Variants in ARAP2 observed in about 807,000 individuals in gnomAD.
The protein encoded by ARAP2 is ArfGAP with RhoGAP domain, ankyrin repeat and PH domain 2.
A neutral mutation model predicts 194.5 loss-of-function variants in ARAP2; 148 were observed. The ratio of observed to expected loss-of-function variants is 0.76; its 90% CI spans 0.67 to 0.87. The LOEUF (loss-of-function observed/expected upper bound fraction) is 0.87, where lower values mean the gene tolerates loss of function less well. Among genes scored for constraint, ARAP2 ranks in the 40% least tolerant of loss-of-function variants. ARAP2 has a pLI of 0.00. For synonymous variants in ARAP2, 695 were observed against 683.5 expected, an observed-to-expected ratio of 1.02 and a Z score of -0.26; for missense variants, 2,128 against 1,989.7, an observed-to-expected ratio of 1.07 and a Z score of -1.32.
At chr4:36,102,292 A>C (rs1455719061) in intron 27 of ARAP2, among the ~76,000 whole-genome samples, 3 of 151,960 alleles carry the variant, frequency 2.0e-5, no homozygotes, top group African/African-American at 7.2e-5. Context: ...CTATCTTAAT[A>C]TCCCAGGAGT....
intron 15 of ARAP2, among the ~76,000 whole-genome samples, chr4:36,155,808 G>A (rs1382282559): frequency 6.6e-6 from 1 of 151,940 alleles, no homozygotes; most frequent in Non-Finnish European, 1.5e-5. Flanking sequence ...AAAAAATAAG[G>A]TTATATTCTG....
At chr4:36,209,876 G>C (rs542626887) in intron 6 of ARAP2, among the ~76,000 whole-genome samples, 1 of 152,050 alleles carries the variant, frequency 6.6e-6, no homozygotes, top group Non-Finnish European at 1.5e-5. Flanking sequence ...TAATATTCAC[G>C]GGACTCTGAC....
At position 36,147,300 on chromosome 4, in the gene ARAP2, C is replaced by T. The variant is rs776874761; in HGVS notation, c.3259G>A (p.Gly1087Arg). The T allele has an allele frequency of 9.9e-6, 16 of 1,612,656 alleles. No homozygotes were observed. In the Admixed American group the frequency reaches 2.5e-4, roughly 25 times the overall value. ...KLDVLLLVEK[G>R]RTLYIHGHTK... ...AAAAAGCAAAAAGGCACTTACCTCCCTTTTTCTACCAAGAGTAAAACATCC... is the reference window on the plus strand; with the variant it reads ...AAAAAGCAAAAAGGCACTTACCTCCTTTTTTCTACCAAGAGTAAAACATCC... The change falls in exon 19 of 33, where the codon GGG becomes AGG. Residue 1087 changes from glycine (G) to arginine (R), a missense_variant. Gly to Arg is a moderately radical substitution (Grantham distance 125). Transcript: ENST00000303965.
intron 24 of ARAP2, among the ~76,000 whole-genome samples, chr4:36,118,612 T>A (rs896845869): frequency 4.0e-5 from 6 of 151,490 alleles, no homozygotes; most frequent in African/African-American, 9.7e-5. Flanking sequence ...CAAACTTTTT[T>A]AATAACAATG....
Position 36,237,370 on chromosome 4 carries a change from G to T in ARAP2, c.-160+6809C>A, listed in dbSNP as rs906707002. On this transcript the variant is annotated intron_variant, in intron 1 of 32. Transcript: ENST00000303965. The stretch of plus-strand genomic sequence containing the variant: ...CTAGAAGTCCACCTGATATGGTTTG[G>T]ATGTTTTGTCCCCTCCAAATTTCAT... 5.9e-5 allele frequency among the ~76,000 whole-genome samples: 9 copies of T among 152,296 alleles called. 1 individual carries two copies. Among genetic ancestry groups the T allele is most frequent in the African/African-American group, 1.2e-4 (5 of 41,542 alleles).
intron 19 of ARAP2, among the ~76,000 whole-genome samples, chr4:36,139,091 C>CACAAAAAT (rs1727579359): frequency 7.5e-6 from 1 of 133,346 alleles, no homozygotes; most frequent in East Asian, 2.0e-4. Flanking sequence ...TGAATAGTAC[C>CACAAAAAT]AGTGTATGAT....
In ARAP2 at chr4:36,043,783, A is replaced by AAGAAG. The variant is rs1356569644; in HGVS notation, n.607+2191_607+2195dup. On this transcript the variant is annotated intron_variant and non_coding_transcript_variant, in intron 5 of 12. Coordinates refer to the ARAP2 transcript ENST00000503225. ...ATGAGAAAGAAAAATAAAGAAAAGA[A>AAGAAG]AGAAGAGAAGAGAAGGGAAGGGAAG... 3.3e-3 allele frequency among the ~76,000 whole-genome samples: 177 copies of AAGAAG among 53,796 alleles called. 5 individuals carry two copies. In the East Asian group the frequency reaches 0.076, roughly 23 times the overall value. The allele number at this position is 53,796 out of a possible 152,430, so 35.3% of individuals were successfully genotyped here.
intron 21 of ARAP2, among the ~76,000 whole-genome samples, chr4:36,127,720 T>C (rs2109580453): frequency 6.6e-6 from 1 of 151,968 alleles, no homozygotes; most frequent in South Asian, 2.1e-4. Context: ...GAAATAAAAA[T>C]TATCATTTGG....
chr4:36,106,304 C>CATGAA (rs1465731800), intron 27 of ARAP2, among the ~76,000 whole-genome samples: 1 of 151,766 alleles, frequency 6.6e-6, no homozygotes, highest in Non-Finnish European at 1.5e-5. Context: ...TATGTAAGAG[C>CATGAA]ATGAAAAAAT....
intron 9 of ARAP2, among the ~76,000 whole-genome samples, chr4:36,173,895 T>C (rs1737216974): frequency 6.6e-6 from 1 of 152,210 alleles, no homozygotes; most frequent in Non-Finnish European, 1.5e-5. Flanking sequence ...TCCTATCACA[T>C]AGCTGTAACA....
intron 2 of ARAP2, among the ~76,000 whole-genome samples, chr4:36,052,459 A>G (rs915137276): frequency 2.0e-5 from 3 of 152,260 alleles, no homozygotes; most frequent in Non-Finnish European, 4.4e-5. Context: ...GTAGCTACAT[A>G]CGAAAAGGCA....
At chr4:36,076,573 C>T (rs1728295056) in intron 31 of ARAP2, among the ~76,000 whole-genome samples, 1 of 151,656 alleles carries the variant, frequency 6.6e-6, no homozygotes. Context: ...TTTGAAATGT[C>T]CCAGGGCTTA....
chr4:36,186,461 G>T (rs964543851), intron 8 of ARAP2, among the ~76,000 whole-genome samples: 1 of 152,170 alleles, frequency 6.6e-6, no homozygotes, highest in African/African-American at 2.4e-5. Context: ...AAATATAAAA[G>T]ATGCTCCAAA....
chr4:36,222,386 A>G (rs1560705849), intron 2 of ARAP2, among the ~76,000 whole-genome samples: 2 of 152,150 alleles, frequency 1.3e-5, no homozygotes, highest in African/African-American at 2.4e-5. Flanking sequence ...TGAACACTTC[A>G]TATTTGTAAT....
intron 30 of ARAP2, among the ~76,000 whole-genome samples, chr4:36,081,345 C>G (rs1349684251): frequency 6.6e-6 from 1 of 151,996 alleles, no homozygotes; most frequent in Non-Finnish European, 1.5e-5. Flanking sequence ...GAAAGTATGA[C>G]AGGAAGGAGA....
At chr4:36,041,504 G>A (rs1043434074) in intron 5 of ARAP2, among the ~76,000 whole-genome samples, 22 of 152,232 alleles carry the variant, frequency 1.4e-4, no homozygotes, top group African/African-American at 5.3e-4. Context: ...TAATGAGAAT[G>A]GCTATTACTA....
intron 6 of ARAP2, among the ~76,000 whole-genome samples, chr4:36,195,428 T>G (rs191844468): frequency 6.6e-6 from 1 of 152,196 alleles, no homozygotes. Flanking sequence ...CTGGATAAAT[T>G]AGTCACTTTT....
At chr4:36,146,414 C>T (rs113859077) in intron 19 of ARAP2, among the ~76,000 whole-genome samples, 72 of 152,148 alleles carry the variant, frequency 4.7e-4, no homozygotes, top group African/African-American at 1.2e-3. Flanking sequence ...ACATCATGAC[C>T]GATAAGGCCC....
intron 3 of ARAP2, among the ~76,000 whole-genome samples, chr4:36,047,925 C>G (rs112804984): frequency 0.02 from 3,094 of 152,258 alleles, 44 homozygotes; most frequent in South Asian, 0.039. Context: ...GATATGCAGT[C>G]AGAATCTTCT....
Sources: allele counts gnomAD v4.1 joint callset (sites outside exome capture counted in the v4.1 genomes callset), GRCh38; gene constraint gnomAD v4.1.1; transcripts MANE v1.5; gene names NCBI Gene and HGNC (gene_info 2026-07-23, HGNC 2026-07-21).